Variants in CACNG3 observed in about 807,000 individuals in gnomAD.
The protein encoded by CACNG3 is calcium voltage-gated channel auxiliary subunit gamma 3.
In CACNG3, 3 loss-of-function variants were observed where a neutral mutation model predicts 28.5. The ratio of observed to expected loss-of-function variants is 0.11; its 90% CI spans 0.05 to 0.27. The LOEUF (loss-of-function observed/expected upper bound fraction) is 0.27. Ranked by LOEUF, CACNG3 falls within the 10% of genes least tolerant of loss-of-function variation. The pLI, the probability that CACNG3 is intolerant of heterozygous loss-of-function variation, is 1.00. For synonymous variants in CACNG3, 174 were observed against 162.2 expected (o/e 1.07, Z -0.55); for missense variants, 236 against 414.4 (o/e 0.57, Z 3.74).
At chr16:24,360,141 C>T (rs537312124) in intron 3 of CACNG3, among the ~76,000 whole-genome samples, 1 of 152,272 alleles carries the variant, frequency 6.6e-6, no homozygotes, top group South Asian at 2.1e-4. Flanking sequence ...CACCACCCTA[C>T]AGGTAGCCTA....
chr16:24,311,276 C>T (rs1046125490), intron 1 of CACNG3, among the ~76,000 whole-genome samples: 6 of 152,030 alleles, frequency 3.9e-5, no homozygotes, highest in Admixed American at 1.3e-4. Context: ...TTTGGGAGGC[C>T]GAGGAGGGTG....
At chr16:24,257,369 GAGAGAGAGAGAGAGAGAGA>G (rs1445751806) in intron 1 of CACNG3, among the ~76,000 whole-genome samples, 375 of 19,658 alleles carry the variant, frequency 0.019, 23 homozygotes, top group African/African-American at 0.049. Context: ...AGTGAGGGGG[GAGAGAGAGAGAGAGAGAGA>G]GAGAGAGAGA....
chr16:24,286,885 T>C (rs1898902466), intron 1 of CACNG3, among the ~76,000 whole-genome samples: 1 of 152,166 alleles, frequency 6.6e-6, no homozygotes, highest in African/African-American at 2.4e-5. Context: ...ACTGAGACTT[T>C]CATTAGAGCC....
At chr16:24,347,350 A>C (rs940861040) in intron 2 of CACNG3, among the ~76,000 whole-genome samples, 1 of 151,982 alleles carries the variant, frequency 6.6e-6, no homozygotes, top group Non-Finnish European at 1.5e-5. Flanking sequence ...GAAAAGGAGA[A>C]TGAGAATGAG....
chr16:24,256,342 C>T lies in CACNG3; in HGVS notation c.-413C>T, dbSNP rs1372351835. On this transcript the variant is annotated 5_prime_UTR_variant, in exon 1 of 4. Coordinates refer to ENST00000005284, the MANE Select transcript of CACNG3 (RefSeq NM_006539.4). This position sits in a 1 kb window ranked among gnomAD's most constrained non-coding sequence, Gnocchi z 4.6. ...GCACACACACACACACACACACTCA[C>T]ACAGAGACCTCTCTGGGTTTCTTTG... 1.2e-5 allele frequency: 3 copies of T among 251,430 alleles called. No individual in the cohort carries two copies. The highest frequency in any genetic ancestry group is 2.2e-5 in the African/African-American group (1 of 44,596). The allele number at this position is 251,430 out of a possible 1,614,324, so 15.6% of individuals were successfully genotyped here. A position where few individuals can be genotyped will look rare whatever the true frequency, so the allele number is the denominator to read the frequency against.
chr16:24,301,183 C>T (rs957061514), intron 1 of CACNG3, among the ~76,000 whole-genome samples: 1 of 150,800 alleles, frequency 6.6e-6, no homozygotes, highest in African/African-American at 2.4e-5. Flanking sequence ...TGCACTCCAG[C>T]CTGGGCAACA....
At chr16:24,289,281 A>T (rs1318665320) in intron 1 of CACNG3, among the ~76,000 whole-genome samples, 1 of 151,810 alleles carries the variant, frequency 6.6e-6, no homozygotes, top group East Asian at 1.9e-4. Context: ...TTAAAAATAC[A>T]CATTTGGCAA....
chr16:24,282,273 A>G (rs6497728), intron 1 of CACNG3, among the ~76,000 whole-genome samples: 106,868 of 152,014 alleles, frequency 0.7, 37,740 homozygotes, highest in East Asian at 0.83. Context: ...CGCCTTTTCT[A>G]GTCATGCAGT....
At chr16:24,328,172 T>C (rs1210452563) in intron 1 of CACNG3, among the ~76,000 whole-genome samples, 3 of 151,844 alleles carry the variant, frequency 2.0e-5, no homozygotes, top group Non-Finnish European at 2.9e-5. Flanking sequence ...AAGCACAGGG[T>C]GTGGTGCTGT....
chr16:24,331,014 TTCTC>T (rs1378129678), intron 1 of CACNG3, among the ~76,000 whole-genome samples: 1 of 152,152 alleles, frequency 6.6e-6, no homozygotes, highest in Admixed American at 6.6e-5. Flanking sequence ...ATAGTTGTCA[TTCTC>T]TCTGTCTCTC....
In CACNG3 at chr16:24,320,350, A is replaced by C. The variant is rs28615443; in HGVS notation, c.212-26384A>C. 8.1e-3 allele frequency among the ~76,000 whole-genome samples: 1,236 copies of C among 152,346 alleles called. 16 individuals are homozygous for C. Among genetic ancestry groups the C allele is most frequent in the African/African-American group, 0.028 (1,178 of 41,570 alleles). Reference sequence around the variant, plus strand: ...TCTGCAGCAAAACTTAGAAATAATCATAACAAGTGAAATAAATAAAGACCA... The same window carrying C: ...TCTGCAGCAAAACTTAGAAATAATCCTAACAAGTGAAATAAATAAAGACCA... On this transcript the variant is annotated intron_variant, in intron 1 of 3. Transcript: ENST00000005284.
intron 1 of CACNG3, among the ~76,000 whole-genome samples, chr16:24,290,717 G>A (rs140426168): frequency 1.3e-5 from 2 of 152,268 alleles, no homozygotes; most frequent in South Asian, 2.1e-4. Context: ...GGGATTACAG[G>A]TGTGAGCCAC....
At chr16:24,269,408 A>G (rs1898655029) in intron 1 of CACNG3, among the ~76,000 whole-genome samples, 1 of 152,062 alleles carries the variant, frequency 6.6e-6, no homozygotes, top group East Asian at 1.9e-4. Flanking sequence ...TCCAGCCTCA[A>G]TTGTTTACAA....
intron 2 of CACNG3, 74 bp from the exon 3 acceptor site, chr16:24,354,759 C>T (rs1900005659): frequency 6.7e-7 from 1 of 1,494,388 alleles, no homozygotes; most frequent in South Asian, 1.2e-5. Context: ...CTCTCAGGCA[C>T]TCCTGCGCTT....
chr16:24,315,499 GCTTT>G (rs752573904), intron 1 of CACNG3, among the ~76,000 whole-genome samples: 28 of 129,398 alleles, frequency 2.2e-4, no homozygotes, highest in South Asian at 4.9e-4. Context: ...TTCTTTTCCT[GCTTT>G]CTTTCTTTCT....
intron 1 of CACNG3, among the ~76,000 whole-genome samples, chr16:24,314,733 G>GCCTCCTCCTCCTCCTCCTCCTCCT (rs140787661): frequency 8.4e-5 from 10 of 119,096 alleles, no homozygotes; most frequent in African/African-American, 2.1e-4. Flanking sequence ...TAGGACTCTC[G>GCCTCCTCCTCCTCCTCCTCCTCCT]CCTCCTCCTC....
intron 1 of CACNG3, among the ~76,000 whole-genome samples, chr16:24,285,094 A>G (rs1898875935): frequency 6.6e-6 from 1 of 151,940 alleles, no homozygotes; most frequent in African/African-American, 2.4e-5. Flanking sequence ...CACATTCCCT[A>G]ACACAAGCTG....
intron 1 of CACNG3, among the ~76,000 whole-genome samples, chr16:24,324,267 C>T (rs1899505843): frequency 6.6e-6 from 1 of 152,156 alleles, no homozygotes. Flanking sequence ...CTAGTGGATA[C>T]AGAATTCAGC....
intron 1 of CACNG3, among the ~76,000 whole-genome samples, chr16:24,316,826 C>G (rs937978999): frequency 2.2e-4 from 33 of 152,228 alleles, no homozygotes; most frequent in African/African-American, 7.5e-4. Flanking sequence ...ACAAACAGAC[C>G]TGGTGGAAAT....
Sources: allele counts gnomAD v4.1 joint callset (sites outside exome capture counted in the v4.1 genomes callset), GRCh38; gene constraint gnomAD v4.1.1; non-coding constraint Gnocchi (gnomAD v3.1); transcripts MANE v1.5; gene names NCBI Gene and HGNC (gene_info 2026-07-23, HGNC 2026-07-21).